PCDH9: variants seen among roughly 807,000 people sequenced by gnomAD.
The protein encoded by PCDH9 is protocadherin 9, also known as protocadherin-9.
In PCDH9, 24 loss-of-function variants were observed where a neutral mutation model predicts 70.6. The observed-to-expected ratio is 0.34, with a 90% CI of 0.25 to 0.48. The LOEUF is 0.48. Among genes scored for constraint, PCDH9 ranks in the 20% least tolerant of loss-of-function variants. PCDH9 has a pLI of 0.99. For synonymous variants in PCDH9, 562 were observed against 558.5 expected (o/e 1.01, Z -0.09); for missense variants, 1,281 against 1,503.6 (o/e 0.85, Z 2.45).
intron 2 of PCDH9, among the ~76,000 whole-genome samples, chr13:67,118,016 G>C (rs1454354764): frequency 1.3e-5 from 2 of 152,092 alleles, no homozygotes; most frequent in Non-Finnish European, 2.9e-5. Context: ...TGACTTTAAA[G>C]TTTCAATACT....
Position 66,797,521 on chromosome 13 carries a change from A to G in PCDH9, c.3138+105983T>C, listed in dbSNP as rs543678634. The stretch of plus-strand genomic sequence containing the variant: ...TAATAACAAACTTTCTAAGTAAACC[A>G]TCAGTGTAAATTTTAAAACAATTTC... On this transcript the variant is annotated intron_variant, in intron 3 of 4. Coordinates refer to ENST00000377865, the MANE Select transcript of PCDH9 (RefSeq NM_203487.3). 2.0e-5 allele frequency among the ~76,000 whole-genome samples: 3 copies of G among 152,300 alleles called. No individual in the cohort carries two copies. The South Asian group carries it at 6.2e-4, about 32-fold the overall frequency.
chr13:66,676,713 CAT>C (rs2078248261), intron 3 of PCDH9, among the ~76,000 whole-genome samples: 1 of 152,022 alleles, frequency 6.6e-6, no homozygotes, highest in South Asian at 2.1e-4. Context: ...TGACCAATCT[CAT>C]ATCCAACTAA....
chr13:66,641,485 C>T (rs145301486), intron 3 of PCDH9, among the ~76,000 whole-genome samples: 5 of 152,252 alleles, frequency 3.3e-5, no homozygotes, highest in East Asian at 3.9e-4. Context: ...GAAATATGTG[C>T]GTGCAAGAAC....
chr13:66,573,122 T>G (rs2076757784), intron 4 of PCDH9, among the ~76,000 whole-genome samples: 1 of 152,172 alleles, frequency 6.6e-6, no homozygotes, highest in African/African-American at 2.4e-5. Flanking sequence ...ATGGTAGTCA[T>G]TTTACCTGAG....
At chr13:66,452,322 C>A (rs777750741) in intron 4 of PCDH9, among the ~76,000 whole-genome samples, 3 of 152,164 alleles carry the variant, frequency 2.0e-5, no homozygotes, top group African/African-American at 7.2e-5. Context: ...CTCAATAGAT[C>A]CAAAGCATAG....
intron 2 of PCDH9, among the ~76,000 whole-genome samples, chr13:67,062,643 T>C (rs1217547933): frequency 1.3e-5 from 2 of 152,194 alleles, no homozygotes; most frequent in African/African-American, 2.4e-5. Context: ...TAAAGAACTA[T>C]TCCTTTGCTC....
chr13:66,693,410 A>C (rs925797685), intron 3 of PCDH9, among the ~76,000 whole-genome samples: 1 of 152,196 alleles, frequency 6.6e-6, no homozygotes, highest in Admixed American at 6.5e-5. Context: ...AAAAATAGAA[A>C]ATAAAAGTGT....
chr13:66,808,122 A>C (rs2080440147), intron 3 of PCDH9, among the ~76,000 whole-genome samples: 1 of 152,166 alleles, frequency 6.6e-6, no homozygotes, highest in Non-Finnish European at 1.5e-5. Flanking sequence ...AAACCTAGAC[A>C]TTACTATCTA....
intron 3 of PCDH9, among the ~76,000 whole-genome samples, chr13:66,700,236 G>A (rs569921573): frequency 6.6e-6 from 1 of 152,216 alleles, no homozygotes; most frequent in African/African-American, 2.4e-5. Flanking sequence ...AGAAAGGCTT[G>A]TAAAGTAAAT....
At chr13:66,826,149 G>T in intron 3 of PCDH9, among the ~76,000 whole-genome samples, 1 of 151,978 alleles carries the variant, frequency 6.6e-6, no homozygotes, top group East Asian at 1.9e-4. Context: ...GGACTATATT[G>T]TATAACATAT....
intron 2 of PCDH9, among the ~76,000 whole-genome samples, chr13:67,092,039 T>C (rs1271476418): frequency 6.6e-6 from 1 of 152,210 alleles, no homozygotes; most frequent in Non-Finnish European, 1.5e-5. Flanking sequence ...TTTAAGACCT[T>C]GGAGATACTC....
At chr13:66,793,560 C>T (rs985889281) in intron 3 of PCDH9, among the ~76,000 whole-genome samples, 3 of 151,920 alleles carry the variant, frequency 2.0e-5, no homozygotes, top group Admixed American at 6.6e-5. Flanking sequence ...ACATTTATGA[C>T]GTATTTATTT....
intron 2 of PCDH9, among the ~76,000 whole-genome samples, chr13:66,904,767 CCAT>C (rs1555284307): frequency 6.6e-6 from 1 of 151,716 alleles, no homozygotes; most frequent in Non-Finnish European, 1.5e-5. Context: ...CATTTCAAGA[CCAT>C]CATTTTATAT....
At chr13:67,165,156 T>A (rs1456789763) in intron 2 of PCDH9, among the ~76,000 whole-genome samples, 1 of 152,178 alleles carries the variant, frequency 6.6e-6, no homozygotes, top group Non-Finnish European at 1.5e-5. Context: ...AAACTTAATT[T>A]CTTTGATATT....
intron 2 of PCDH9, among the ~76,000 whole-genome samples, chr13:67,087,376 G>A (rs1456384264): frequency 6.6e-6 from 1 of 152,014 alleles, no homozygotes; most frequent in Non-Finnish European, 1.5e-5. Context: ...AATCTTCTTA[G>A]TACCAGTTTT....
intron 4 of PCDH9, among the ~76,000 whole-genome samples, chr13:66,449,979 C>T (rs1050773319): frequency 3.3e-5 from 5 of 152,026 alleles, no homozygotes; most frequent in Admixed American, 6.6e-5. Flanking sequence ...ACACAATAGG[C>T]AGGACAATTG....
chr13:66,685,159 G>A (rs1373020672), intron 3 of PCDH9, among the ~76,000 whole-genome samples: 2 of 152,140 alleles, frequency 1.3e-5, no homozygotes, highest in Non-Finnish European at 2.9e-5. Flanking sequence ...GGTCTCCAGG[G>A]CAGCCCCTCC....
chr13:66,478,077 T>C (rs1958765893), intron 4 of PCDH9, among the ~76,000 whole-genome samples: 1 of 152,300 alleles, frequency 6.6e-6, no homozygotes, highest in South Asian at 2.1e-4. Flanking sequence ...GTGTCACATT[T>C]TGTTAATTCT....
chr13:67,028,708 T>C (rs113767311), intron 2 of PCDH9, among the ~76,000 whole-genome samples: 179 of 152,268 alleles, frequency 1.2e-3, no homozygotes, highest in Admixed American at 2.1e-3. Flanking sequence ...TAAACATATT[T>C]TTCTTCCAAA....
Sources: allele counts gnomAD v4.1 joint callset (sites outside exome capture counted in the v4.1 genomes callset), GRCh38; gene constraint gnomAD v4.1.1; transcripts MANE v1.5; gene names NCBI Gene and HGNC (gene_info 2026-07-23, HGNC 2026-07-21).